The following SOS1 variants were observed in gnomAD, a reference collection of about 807,000 sequenced individuals.
SOS1 encodes son of sevenless homolog 1.
In SOS1, 25 loss-of-function variants were observed where a neutral mutation model predicts 157.6. The ratio of observed to expected loss-of-function variants is 0.16; its 90% CI spans 0.12 to 0.22. SOS1 has a LOEUF of 0.22. Among genes scored for constraint, SOS1 ranks in the 10% least tolerant of loss-of-function variants. SOS1 has a pLI of 1.00. For synonymous variants in SOS1, 528 were observed against 534.0 expected, an observed-to-expected ratio of 0.99 and a Z score of 0.16; for missense variants, 1,237 against 1,599.1, an observed-to-expected ratio of 0.77 and a Z score of 3.86.
chr2:39,043,852 C>T (rs559101266), intron 6 of SOS1, among the ~76,000 whole-genome samples: 1 of 152,320 alleles, frequency 6.6e-6, no homozygotes, highest in East Asian at 1.9e-4. Context: ...ACAGATTAAA[C>T]TTCCAATACA....
At position 39,026,485 on chromosome 2, in the gene SOS1, T is replaced by G. The variant is rs1572833844; in HGVS notation, c.1075-2348A>C. On this transcript the variant is annotated intron_variant, in intron 8 of 22. Transcript: ENST00000402219. ...ATATTAATACAAAAATCAAATATCT[T>G]TTATTCATAATATTGTTCTTCAATA... 3.9e-5 allele frequency among the ~76,000 whole-genome samples: 6 copies of G among 152,324 alleles called. No homozygotes were observed. The East Asian group carries it at 1.2e-3, about 29-fold the overall frequency.
intron 20 of SOS1, among the ~76,000 whole-genome samples, chr2:38,991,251 ACTT>A (rs1211373029): frequency 6.6e-6 from 1 of 152,178 alleles, no homozygotes; most frequent in Non-Finnish European, 1.5e-5. Flanking sequence ...ATGATAGATA[ACTT>A]CTTAAACTCA....
chr2:39,105,368 C>T (rs761908290), intron 1 of SOS1, among the ~76,000 whole-genome samples: 12 of 151,462 alleles, frequency 7.9e-5, no homozygotes, highest in Non-Finnish European at 1.8e-4. Context: ...CAAGCTGGTA[C>T]AGCATCCTAA....
intron 1 of SOS1, among the ~76,000 whole-genome samples, chr2:39,096,454 A>C (rs893443205): frequency 5.3e-5 from 8 of 152,242 alleles, no homozygotes; most frequent in African/African-American, 1.9e-4. Context: ...ATTATTTATC[A>C]GGCTATATTC....
intron 8 of SOS1, among the ~76,000 whole-genome samples, chr2:39,033,388 A>G (rs1670235597): frequency 6.6e-6 from 1 of 152,294 alleles, no homozygotes; most frequent in Admixed American, 6.5e-5. Flanking sequence ...ACTTATTAAA[A>G]TTCTATTAAT....
chr2:39,055,710 T>C (rs1469014461), intron 4 of SOS1, among the ~76,000 whole-genome samples: 1 of 152,186 alleles, frequency 6.6e-6, no homozygotes, highest in Non-Finnish European at 1.5e-5. Context: ...GAAAATGGAA[T>C]GAAATGCTTC....
intron 1 of SOS1, among the ~76,000 whole-genome samples, chr2:39,119,422 A>C (rs1489187661): frequency 6.6e-6 from 1 of 152,262 alleles, no homozygotes; most frequent in Non-Finnish European, 1.5e-5. Flanking sequence ...TTAGCATAAA[A>C]GGTAAAACAT....
At position 38,997,383 on chromosome 2, in the gene SOS1, G is replaced by A; in HGVS notation, c.2834C>T (p.Pro945Leu). Residue 945 changes from proline (P) to leucine (L), a missense_variant, in exon 18 of 23, where the codon CCT (proline) becomes CTT (leucine). By Grantham distance (98) the Pro-to-Leu change is moderately conservative. Around this residue, in one of 15 missense-constraint regions of SOS1, gnomAD observed 105 missense variants for 236.0 expected, o/e 0.44. Transcript: ENST00000402219. Reference sequence around the variant, plus strand: ...TTTTCCATGTCTTTTTAGGACCTCAGGGTTGCCTTCTTCTGTTTTCAAGAT... The same window carrying A: ...TTTTCCATGTCTTTTTAGGACCTCAAGGTTGCCTTCTTCTGTTTTCAAGAT... ...TNILKTEEGN[P>L]EVLKRHGKEL... 1 of 1,611,652 alleles carries A rather than the reference G, an allele frequency of 6.2e-7. No homozygotes were observed. Among genetic ancestry groups the A allele is most frequent in the Non-Finnish European group, 8.5e-7 (1 of 1,178,164 alleles).
chr2:39,062,369 G>C (rs1239339946), intron 2 of SOS1, among the ~76,000 whole-genome samples: 1 of 145,444 alleles, frequency 6.9e-6, no homozygotes, highest in African/African-American at 2.5e-5. Flanking sequence ...AGTGAGCTGA[G>C]ATCACACCAC....
At position 39,022,772 on chromosome 2, in the gene SOS1, C is replaced by G. The variant is rs267607079; in HGVS notation, c.1656G>C (p.Arg552Ser). The G allele has an allele frequency of 1.2e-6, 2 of 1,613,648 alleles. No individual in the cohort carries two copies. The highest frequency in any genetic ancestry group is 1.7e-6 in the Non-Finnish European group (2 of 1,179,648). ...ISLQYRSTLE[R>S]MLDVTMLQEE... ...CCTGTAGCATTGTTACATCAAGCAT[C>G]CTTTCCAGTGTACTCCGGTACTGTA... The change falls in exon 10 of 23, where the codon AGG (arginine) becomes AGC (serine). Residue 552 changes from arginine to serine, a missense_variant. By Grantham distance (110) the Arg-to-Ser change is moderately radical. Around this residue, in one of 15 missense-constraint regions of SOS1, gnomAD observed 210 missense variants for 220.2 expected, o/e 0.95. Transcript: ENST00000402219.
intron 21 of SOS1, among the ~76,000 whole-genome samples, chr2:38,988,648 A>G (rs1259182704): frequency 6.6e-6 from 1 of 152,180 alleles, no homozygotes; most frequent in Non-Finnish European, 1.5e-5. Flanking sequence ...GCTTGTAACT[A>G]GTATTTTCCA....
At chr2:39,029,404 T>C (rs368092629) in intron 8 of SOS1, among the ~76,000 whole-genome samples, 7 of 152,232 alleles carry the variant, frequency 4.6e-5, no homozygotes, top group African/African-American at 1.7e-4. Flanking sequence ...GGTGGGCAGA[T>C]CACTTGAGTC....
Position 39,059,578 on chromosome 2 carries a change from ATG to A in SOS1, c.214-776_214-775del, listed in dbSNP as rs1326409513. On this transcript the variant is annotated intron_variant, in intron 2 of 22. Transcript: ENST00000402219. ...GGTCGCTATTACATAACTTTTACAC[ATG>A]TGTTTTGAATAAATGAGTATTCAAC... is the stretch of plus-strand genomic sequence containing the variant. Among the ~76,000 whole-genome samples the A allele has an allele frequency of 3.3e-5, 5 of 152,186 alleles. No homozygotes were observed. In the East Asian group the frequency reaches 5.8e-4, roughly 18 times the overall value.
rs959326856 is a variant in SOS1 at position 38,984,762 on chromosome 2, A to C, written c.*1062T>G. The C allele has an allele frequency of 6.6e-5, 10 of 152,240 alleles. No individual in the cohort carries two copies. The highest frequency in any genetic ancestry group is 1.7e-4 in the African/African-American group (7 of 41,472). 9.4% of individuals were successfully genotyped at this position (152,240 alleles called of 1,614,324 possible). On this transcript the variant is annotated 3_prime_UTR_variant, in exon 23 of 23. Transcript: ENST00000402219. ...ATTTGTATCTTTATTCAATTAAATT[A>C]AAACAGACCTGCCAGGTATATTATA... is the stretch of plus-strand genomic sequence containing the variant.
intron 11 of SOS1, among the ~76,000 whole-genome samples, 190 bp downstream of exon 11, chr2:39,014,575 A>G (rs1046561535): frequency 6.6e-6 from 1 of 152,080 alleles, no homozygotes; most frequent in Non-Finnish European, 1.5e-5. Context: ...ACAAAAAAGA[A>G]TATTTTTGTA....
intron 6 of SOS1, among the ~76,000 whole-genome samples, chr2:39,038,370 A>C (rs1670430033): frequency 6.6e-6 from 1 of 152,176 alleles, no homozygotes; most frequent in African/African-American, 2.4e-5. Context: ...GAGCCTGATG[A>C]TGTGACTTGA....
intron 1 of SOS1, among the ~76,000 whole-genome samples, chr2:39,090,741 A>C (rs752639619): frequency 6.6e-6 from 1 of 152,164 alleles, no homozygotes; most frequent in Non-Finnish European, 1.5e-5. Flanking sequence ...TTTAGTGCTT[A>C]TCACATCTTT....
intron 4 of SOS1, 122 bp downstream of exon 4, chr2:39,056,574 CTACTAT>C: frequency 1.5e-6 from 1 of 689,158 alleles, no homozygotes. Context: ...TCTTGAATCC[CTACTAT>C]TAGGTTACTG....
At chr2:39,115,200 C>A (rs921095655) in intron 1 of SOS1, among the ~76,000 whole-genome samples, 1 of 151,934 alleles carries the variant, frequency 6.6e-6, no homozygotes, top group Non-Finnish European at 1.5e-5. Context: ...ATGTACACAC[C>A]CCTGAAACCA....
Sources: allele counts gnomAD v4.1 joint callset (sites outside exome capture counted in the v4.1 genomes callset), GRCh38; gene constraint gnomAD v4.1.1; regional missense constraint gnomAD v4.1.1; transcripts MANE v1.5; gene names NCBI Gene and HGNC (gene_info 2026-07-23, HGNC 2026-07-21).